CDKAL1: variants seen among roughly 807,000 people sequenced by gnomAD.
CDKAL1 encodes CDKAL1 threonylcarbamoyladenosine tRNA methylthiotransferase.
CDKAL1 carries 32 observed loss-of-function variants against 68.2 expected under a neutral mutation model. That is an observed-to-expected ratio of 0.47 (90% CI 0.35 to 0.63). The LOEUF is 0.63. Among genes scored for constraint, CDKAL1 ranks in the 30% least tolerant of loss-of-function variants. CDKAL1 has a pLI of 0.00. For synonymous variants in CDKAL1, 234 were observed against 244.3 expected (o/e 0.96, Z 0.39); for missense variants, 606 against 696.7 (o/e 0.87, Z 1.47).
At chr6:21,214,023 T>C (rs1004265261) in intron 15 of CDKAL1, among the ~76,000 whole-genome samples, 11 of 152,202 alleles carry the variant, frequency 7.2e-5, no homozygotes, top group South Asian at 2.1e-4. Flanking sequence ...TGACACATGC[T>C]ACAGCATAGG....
At chr6:21,040,399 C>A (rs1173121359) in intron 11 of CDKAL1, among the ~76,000 whole-genome samples, 2 of 152,088 alleles carry the variant, frequency 1.3e-5, no homozygotes, top group African/African-American at 4.8e-5. Flanking sequence ...AGACTATTTT[C>A]TTTGAGATGA....
chr6:20,931,886 A>G (rs1763477718), intron 9 of CDKAL1, among the ~76,000 whole-genome samples: 1 of 152,052 alleles, frequency 6.6e-6, no homozygotes, highest in Non-Finnish European at 1.5e-5. Context: ...AAATTCAGAA[A>G]CTCTTCAGTC....
At chr6:20,784,860 A>G (rs1214149859) in intron 8 of CDKAL1, among the ~76,000 whole-genome samples, 1 of 152,186 alleles carries the variant, frequency 6.6e-6, no homozygotes, top group African/African-American at 2.4e-5. Flanking sequence ...TACATTAATT[A>G]AAAATTAATC....
In CDKAL1 at chr6:21,231,059, T is replaced by C; in HGVS notation, c.*20T>C. The C allele has an allele frequency of 6.5e-7, 1 of 1,536,714 alleles. No individual in the cohort carries two copies. Among genetic ancestry groups the C allele is most frequent in the East Asian group, 2.3e-5 (1 of 43,976 alleles). On this transcript the variant is annotated 3_prime_UTR_variant, in exon 16 of 16. Coordinates refer to ENST00000274695, the MANE Select transcript of CDKAL1 (RefSeq NM_017774.3). ...AATTAGAATACAACTAATGGAAACATCTATAAAGAAGAATACATTTCTAAT... is the reference window on the plus strand; with the variant it reads ...AATTAGAATACAACTAATGGAAACACCTATAAAGAAGAATACATTTCTAAT...
intron 10 of CDKAL1, among the ~76,000 whole-genome samples, chr6:20,985,802 CAA>C (rs1331475452): frequency 1.5e-5 from 2 of 133,722 alleles, no homozygotes; most frequent in African/African-American, 2.7e-5. Context: ...GACCCTGCCT[CAA>C]AAAAAAAAAA....
At chr6:21,126,891 A>C (rs1775040365) in intron 13 of CDKAL1, among the ~76,000 whole-genome samples, 1 of 152,180 alleles carries the variant, frequency 6.6e-6, no homozygotes, top group African/African-American at 2.4e-5. Flanking sequence ...TCAGGACTCA[A>C]GTGGTATCAC....
intron 5 of CDKAL1, among the ~76,000 whole-genome samples, chr6:20,681,965 G>T (rs1770397536): frequency 6.6e-6 from 1 of 152,198 alleles, no homozygotes; most frequent in Non-Finnish European, 1.5e-5. Context: ...CTCACTTCAT[G>T]GTTCATAGAT....
At chr6:20,953,428 A>G (rs1255833341) in intron 9 of CDKAL1, among the ~76,000 whole-genome samples, 1 of 152,228 alleles carries the variant, frequency 6.6e-6, no homozygotes, top group Admixed American at 6.5e-5. Flanking sequence ...TATTCTGTTC[A>G]TTTTAAAATA....
chr6:21,166,677 G>A (rs1476450221), intron 13 of CDKAL1, among the ~76,000 whole-genome samples: 1 of 152,108 alleles, frequency 6.6e-6, no homozygotes, highest in East Asian at 1.9e-4. Flanking sequence ...ACTAATCAAA[G>A]AGAGCATAGT....
intron 5 of CDKAL1, among the ~76,000 whole-genome samples, chr6:20,660,384 A>G (rs1423037234): frequency 6.6e-6 from 1 of 152,186 alleles, no homozygotes; most frequent in Non-Finnish European, 1.5e-5. Flanking sequence ...GACAAAGACC[A>G]TTTGTCAACG....
chr6:20,854,942 G>A (rs1047874910), intron 9 of CDKAL1, among the ~76,000 whole-genome samples: 5 of 152,190 alleles, frequency 3.3e-5, no homozygotes, highest in Non-Finnish European at 7.3e-5. Flanking sequence ...CACACATGTG[G>A]TTTTTAAAAT....
intron 9 of CDKAL1, among the ~76,000 whole-genome samples, chr6:20,925,032 T>G (rs1008041659): frequency 6.6e-6 from 1 of 152,200 alleles, no homozygotes; most frequent in Non-Finnish European, 1.5e-5. Context: ...AGAGAATCTT[T>G]TGTGGAAGGA....
chr6:20,688,546 GTCTAAGTCA>G (rs1300052996), intron 5 of CDKAL1, among the ~76,000 whole-genome samples: 1 of 151,918 alleles, frequency 6.6e-6, no homozygotes, highest in African/African-American at 2.4e-5. Context: ...TAGTAAGCTT[GTCTAAGTCA>G]TTCTTCATTT....
At chr6:20,597,126 T>TTATTTA (rs1156590006) in intron 4 of CDKAL1, among the ~76,000 whole-genome samples, 5 of 152,094 alleles carry the variant, frequency 3.3e-5, no homozygotes, top group Non-Finnish European at 7.4e-5. Context: ...TATTTTTTAT[T>TTATTTA]TATTTTTATT....
At chr6:20,940,451 C>G (rs1763915937) in intron 9 of CDKAL1, among the ~76,000 whole-genome samples, 1 of 152,084 alleles carries the variant, frequency 6.6e-6, no homozygotes, top group African/African-American at 2.4e-5. Flanking sequence ...TTAAAATGTT[C>G]TAGTAGCCGC....
intron 11 of CDKAL1, among the ~76,000 whole-genome samples, chr6:21,033,537 G>A (rs1218195665): frequency 6.6e-6 from 1 of 152,112 alleles, no homozygotes; most frequent in Non-Finnish European, 1.5e-5. Flanking sequence ...AGGAGGATGG[G>A]AAGGTTAAGA....
chr6:20,771,395 A>T (rs1774935917), intron 7 of CDKAL1, among the ~76,000 whole-genome samples: 2 of 152,164 alleles, frequency 1.3e-5, no homozygotes, highest in Non-Finnish European at 2.9e-5. Flanking sequence ...GTACAAGATT[A>T]TTCAGTTCTT....
Position 21,088,772 on chromosome 6 carries a change from T to C in CDKAL1, c.1237-19629T>C, listed in dbSNP as rs529196675. Among the ~76,000 whole-genome samples, 7 of 152,052 alleles carry C rather than the reference T, an allele frequency of 4.6e-5. No homozygotes were observed. The South Asian group carries it at 1.2e-3, about 27-fold the overall frequency. ...GTCTGGCCAATACAGTGAAACCCCG[T>C]CTCTACTAAAAATACAAAAATTAGC... On this transcript the variant is annotated intron_variant, in intron 12 of 15. Transcript: ENST00000274695.
Position 20,539,522 on chromosome 6 carries a change from C to T in CDKAL1, c.-6+4128C>T, listed in dbSNP as rs1763307474. 6.6e-6 allele frequency among the ~76,000 whole-genome samples: 1 copy of T among 152,184 alleles called. No individual in the cohort carries two copies. On this transcript the variant is annotated intron_variant, in intron 2 of 15. Transcript: ENST00000274695. The surrounding 1 kb of genome is among the most constrained non-coding windows in gnomAD (Gnocchi z 4.3). ...GTGGGGGTGTTGGTTGGAAAGTCCT[C>T]TCTTGTTACACTTGAGCAAAGTCCT...
Sources: allele counts gnomAD v4.1 joint callset (sites outside exome capture counted in the v4.1 genomes callset), GRCh38; gene constraint gnomAD v4.1.1; non-coding constraint Gnocchi (gnomAD v3.1); transcripts MANE v1.5; gene names NCBI Gene and HGNC (gene_info 2026-07-23, HGNC 2026-07-21).